The following PTPN13 variants were observed in gnomAD, a reference collection of about 807,000 sequenced individuals.
PTPN13 encodes protein tyrosine phosphatase non-receptor type 13, also known as tyrosine-protein phosphatase non-receptor type 13.
In PTPN13, 191 loss-of-function variants were observed where a neutral mutation model predicts 284.0. The ratio of observed to expected loss-of-function variants is 0.67; its 90% CI spans 0.60 to 0.76. The LOEUF is 0.76. PTPN13 is among the 30% of genes least tolerant of loss of function. The pLI is 0.00. For synonymous variants in PTPN13, 986 were observed against 1,022.3 expected, an observed-to-expected ratio of 0.96 and a Z score of 0.68; for missense variants, 2,797 against 2,939.9, an observed-to-expected ratio of 0.95 and a Z score of 1.12.
intron 40 of PTPN13, among the ~76,000 whole-genome samples, chr4:86,788,795 C>T (rs1470349829): frequency 1.3e-5 from 2 of 152,108 alleles, no homozygotes; most frequent in Non-Finnish European, 2.9e-5. Flanking sequence ...TTTGCTTGTC[C>T]AGTCTAGTAG....
At chr4:86,682,425 CT>C (rs540963376) in intron 3 of PTPN13, among the ~76,000 whole-genome samples, 7,767 of 143,802 alleles carry the variant, frequency 0.054, 242 homozygotes, top group African/African-American at 0.07. Context: ...CAGATCAAAA[CT>C]TTTTTTTTTT....
rs369122805 is a variant in PTPN13, at chr4:86,811,136, G to T, written c.7362+28G>T. The T allele has an allele frequency of 3.2e-6, 5 of 1,582,886 alleles. No homozygotes were observed. In the South Asian group the frequency reaches 4.6e-5, roughly 14 times the overall value. Reference sequence around the variant, plus strand: ...GAGTCATGGCTGGGCCTCCTAATGAGAATTTTTGTAAAGATTCTAATATTT... The same window carrying T: ...GAGTCATGGCTGGGCCTCCTAATGATAATTTTTGTAAAGATTCTAATATTT... On this transcript the variant is annotated intron_variant, in intron 47 of 47. Transcript: ENST00000411767.
chr4:86,600,679 T>A (rs936439158), intron 1 of PTPN13, among the ~76,000 whole-genome samples: 4 of 151,972 alleles, frequency 2.6e-5, no homozygotes, highest in African/African-American at 9.7e-5. Context: ...CAAAGTTGTG[T>A]TCTGTTTTGT....
intron 1 of PTPN13, among the ~76,000 whole-genome samples, chr4:86,613,010 G>T (rs1720098999): frequency 6.6e-6 from 1 of 152,060 alleles, no homozygotes; most frequent in Non-Finnish European, 1.5e-5. Context: ...ATACCAAATG[G>T]ATTTACACAA....
chr4:86,732,413 CT>C lies in PTPN13; in HGVS notation c.1623del (p.Glu542SerfsTer3). ...TQRKLRNFFG[P>X]EFVKMTIEPF... ...TGTGATTTGCAGAATTTCTTTGGCC[CT>C]GAGTTTGTGAAAATGACAATTGAAC... On this transcript the variant is annotated frameshift_variant, in exon 11 of 48. Coordinates refer to ENST00000411767, the MANE Select transcript of PTPN13 (RefSeq NM_080683.3). LOFTEE classifies it high-confidence loss of function. The C allele has an allele frequency of 1.3e-6, 2 of 1,596,062 alleles. No homozygotes were observed. The highest frequency in any genetic ancestry group is 8.5e-7 in the Non-Finnish European group (1 of 1,169,884).
chr4:86,633,741 A>G (rs1722717779), intron 1 of PTPN13, among the ~76,000 whole-genome samples: 1 of 152,188 alleles, frequency 6.6e-6, no homozygotes, highest in Non-Finnish European at 1.5e-5. Flanking sequence ...CCAATTTATC[A>G]ATATTTTTCA....
intron 3 of PTPN13, among the ~76,000 whole-genome samples, chr4:86,682,449 T>C (rs1728999159): frequency 6.6e-6 from 1 of 152,052 alleles, no homozygotes; most frequent in Non-Finnish European, 1.5e-5. Flanking sequence ...TAACTTGTAC[T>C]GCCTGATTCT....
intron 24 of PTPN13, among the ~76,000 whole-genome samples, chr4:86,763,953 T>A (rs766326735): frequency 1.3e-5 from 2 of 152,064 alleles, no homozygotes; most frequent in Non-Finnish European, 2.9e-5. Context: ...ATGATACAAA[T>A]TTAAACTCAA....
At chr4:86,711,257 A>T (rs1021786407) in intron 7 of PTPN13, among the ~76,000 whole-genome samples, 4 of 151,666 alleles carry the variant, frequency 2.6e-5, no homozygotes, top group African/African-American at 9.7e-5. Flanking sequence ...CGATCAATCC[A>T]CCTGCCTCAG....
At chr4:86,750,374 G>C in intron 17 of PTPN13, 96 bp from the exon 18 acceptor site, 1 of 1,169,576 alleles carries the variant, frequency 8.6e-7, no homozygotes, top group Non-Finnish European at 1.2e-6. Context: ...CAATCAAAAT[G>C]ATTAAAAACT....
intron 6 of PTPN13, among the ~76,000 whole-genome samples, chr4:86,697,164 T>C (rs951053622): frequency 6.6e-6 from 1 of 152,146 alleles, no homozygotes; most frequent in Non-Finnish European, 1.5e-5. Flanking sequence ...TGCCAGTTCT[T>C]AACTGTCAGT....
At chr4:86,718,116 A>T (rs1036141890) in intron 9 of PTPN13, among the ~76,000 whole-genome samples, 1 of 152,224 alleles carries the variant, frequency 6.6e-6, no homozygotes, top group African/African-American at 2.4e-5. Context: ...GGTCCCTTAC[A>T]TGAACAAAAG....
intron 45 of PTPN13, 44 bp from the exon 46 acceptor site, chr4:86,809,725 A>T: frequency 6.6e-7 from 1 of 1,523,246 alleles, no homozygotes; most frequent in Non-Finnish European, 9.1e-7. Flanking sequence ...GTATGTGAAC[A>T]ATATAACATG....
Position 86,742,581 on chromosome 4 carries a change from T to G in PTPN13, c.2487+765T>G, listed in dbSNP as rs1054855960. Among the ~76,000 whole-genome samples the G allele has an allele frequency of 3.0e-4, 45 of 152,168 alleles. 1 individual carries two copies. Among genetic ancestry groups the G allele is most frequent in the Admixed American group, 2.9e-3 (45 of 15,272 alleles). On this transcript the variant is annotated intron_variant, in intron 16 of 47. Coordinates refer to ENST00000411767, the MANE Select transcript of PTPN13 (RefSeq NM_080683.3). ...ATAAAGTTACCAAGGTCCTGATGGA[T>G]CTGGATAATCTTCAACCCTGAGACC...
At chr4:86,657,598 C>T (rs1726002441) in intron 2 of PTPN13, among the ~76,000 whole-genome samples, 1 of 152,172 alleles carries the variant, frequency 6.6e-6, no homozygotes, top group Non-Finnish European at 1.5e-5. Flanking sequence ...GGCTTGCAGA[C>T]CAGCACAGTA....
intron 1 of PTPN13, among the ~76,000 whole-genome samples, chr4:86,602,241 G>A (rs11097115): frequency 0.16 from 24,732 of 151,892 alleles, 2,384 homozygotes; most frequent in East Asian, 0.3. Context: ...AGAATGCCTG[G>A]GTTTTGATCT....
chr4:86,755,637 A>G (rs1283047987), intron 20 of PTPN13, among the ~76,000 whole-genome samples: 8 of 151,954 alleles, frequency 5.3e-5, no homozygotes, highest in Non-Finnish European at 1.2e-4. Flanking sequence ...TACCCTTACA[A>G]CCCTTCTGTT....
chr4:86,694,238 A>T (rs1262508021), intron 6 of PTPN13, among the ~76,000 whole-genome samples: 1 of 152,144 alleles, frequency 6.6e-6, no homozygotes, highest in Non-Finnish European at 1.5e-5. Context: ...GCATTATATA[A>T]TTCTGTATCC....
chr4:86,594,616 C>T lies in PTPN13; in HGVS notation c.-179C>T, dbSNP rs1024890230. 2.6e-5 allele frequency: 4 copies of T among 152,230 alleles called. No individual in the cohort carries two copies. The highest frequency in any genetic ancestry group is 5.9e-5 in the Non-Finnish European group (4 of 68,084). 9.4% of individuals were successfully genotyped at this position (152,230 alleles called of 1,614,324 possible). A position where few individuals can be genotyped will look rare whatever the true frequency, so the allele number is the denominator to read the frequency against. On this transcript the variant is annotated 5_prime_UTR_variant, in exon 1 of 48. Coordinates refer to ENST00000411767, the MANE Select transcript of PTPN13 (RefSeq NM_080683.3). The stretch of plus-strand genomic sequence containing the variant: ...GAGGAGGAGATGCTGCTCCTCTTCT[C>T]CCCCTCCCCAGGCTCCTTCTACAGC...
Sources: gnomAD v4.1 joint callset for allele counts (sites outside exome capture counted in the v4.1 genomes callset) on GRCh38, gnomAD v4.1.1 for gene constraint, MANE v1.5 for transcripts, NCBI Gene and HGNC (gene_info 2026-07-23, HGNC 2026-07-21) for gene names.